ZNF385B: variants seen among roughly 807,000 people sequenced by gnomAD.
The protein encoded by ZNF385B is zinc finger protein 385B.
In ZNF385B, 23 loss-of-function variants were observed where a neutral mutation model predicts 39.2. The ratio of observed to expected loss-of-function variants is 0.59; its 90% CI spans 0.42 to 0.83. The LOEUF is 0.83. Among genes scored for constraint, ZNF385B ranks in the 40% least tolerant of loss-of-function variants. The pLI is 0.00. For missense variants in ZNF385B, 552 were observed against 598.9 expected (o/e 0.92, Z 0.82); for synonymous variants, 205 against 222.6 (o/e 0.92, Z 0.70).
chr2:179,483,489 G>T, intron 5 of ZNF385B, 55 bp from the exon 6 acceptor site: 1 of 1,604,096 alleles, frequency 6.2e-7, no homozygotes, highest in East Asian at 2.2e-5. Context: ...ACACCACAGT[G>T]GATGATCATG....
chr2:179,483,386 T>A lies in ZNF385B; in HGVS notation c.601A>T (p.Lys201Ter), dbSNP rs1458585133. 6.2e-7 allele frequency: 1 copy of A among 1,613,970 alleles called. No individual in the cohort carries two copies. Among genetic ancestry groups the A allele is most frequent in the Non-Finnish European group, 8.5e-7 (1 of 1,179,944 alleles). Residue 201 changes from lysine (K) to a stop codon, truncating the protein, a stop_gained, in exon 6 of 10, where the codon AAA becomes TAA. Coordinates refer to ENST00000410066, the MANE Select transcript of ZNF385B (RefSeq NM_152520.6). LOFTEE classifies it high-confidence loss of function. ...TTATTTTTCGTTGCGTCTAGTGCTT[T>A]GACCTTCTTGGCATGTTTACTTCCT... ...YKGSKHAKKV[K>*]ALDATKNKPK...
chr2:179,540,811 C>A (rs2059875568), intron 4 of ZNF385B, among the ~76,000 whole-genome samples: 2 of 152,088 alleles, frequency 1.3e-5, no homozygotes, highest in Admixed American at 6.6e-5. Context: ...TAATCTGGGG[C>A]TACTTTGGAA....
intron 1 of ZNF385B, among the ~76,000 whole-genome samples, chr2:179,797,316 C>G (rs1332238216): frequency 1.8e-4 from 28 of 152,022 alleles, no homozygotes; most frequent in Non-Finnish European, 3.1e-4. Context: ...TGAAGCAAAC[C>G]AAGAATGATA....
intron 4 of ZNF385B, among the ~76,000 whole-genome samples, chr2:179,531,535 C>T (rs2059252526): frequency 6.6e-6 from 1 of 152,032 alleles, no homozygotes; most frequent in African/African-American, 2.4e-5. Flanking sequence ...ACTGGGGAGG[C>T]TGAGGCAGGA....
intron 3 of ZNF385B, among the ~76,000 whole-genome samples, chr2:179,568,401 T>A (rs1287443805): frequency 2.6e-5 from 4 of 152,236 alleles, no homozygotes; most frequent in Admixed American, 2.6e-4. Flanking sequence ...AAAAACTATA[T>A]TCCCAGTTTC....
chr2:179,445,644 A>C lies in ZNF385B; in HGVS notation c.1046T>G (p.Met349Arg). The C allele has an allele frequency of 6.2e-7, 1 of 1,614,122 alleles. No homozygotes were observed. The highest frequency in any genetic ancestry group is 1.1e-5 in the South Asian group (1 of 91,082). ...TCCTGACCCCTTACTGCCATTCTGC[A>C]TCTTTAATCTTGATCCAGGTCTAGG... ...SYPRPGSRLKMQNGSKGSGLQ... is the reference protein window; with the variant it reads ...SYPRPGSRLKRQNGSKGSGLQ... Residue 349 changes from methionine (M) to arginine (R), a missense_variant, in exon 8 of 10, where the codon ATG becomes AGG. Physicochemically the swap from Met to Arg is moderately conservative, Grantham distance 91. Transcript: ENST00000410066.
rs1271820524 is a variant in ZNF385B, at chr2:179,769,792, G to A, written c.9C>T (p.Tyr3=). MR[Y]SLSPDNHLED... is the part of the protein sequence containing the mutation. ...CAAGATGGTTGTCAGGGCTTAAGGAGTACCTCATGCCTGAAAAACAAAACA... is the reference window on the plus strand; with the variant it reads ...CAAGATGGTTGTCAGGGCTTAAGGAATACCTCATGCCTGAAAAACAAAACA... Residue 3 remains tyrosine (Y), a synonymous_variant, in exon 3 of 10, where the codon TAC becomes TAT. Transcript: ENST00000410066. 1 of 1,608,540 alleles carries A rather than the reference G, an allele frequency of 6.2e-7. No individual in the cohort carries two copies. Among genetic ancestry groups the A allele is most frequent in the East Asian group, 2.2e-5 (1 of 44,822 alleles).
chr2:179,443,395 G>A lies in ZNF385B; in HGVS notation c.1316C>T (p.Ala439Val), dbSNP rs1325673372. Reference sequence around the variant, plus strand: ...TGACAGCGCTGAGGACACGGCTGCCGCCGCTGCGAGAGGTGAGGACAGGAA... The same window carrying A: ...TGACAGCGCTGAGGACACGGCTGCCACCGCTGCGAGAGGTGAGGACAGGAA... Reference protein sequence around the residue: ...PAFLSSPLAAAAAVSSALSLP... With the variant: ...PAFLSSPLAAVAAVSSALSLP... Residue 439 changes from alanine to valine, a missense_variant, in exon 10 of 10, where the codon GCG becomes GTG. By Grantham distance (64) the Ala-to-Val change is moderately conservative. Coordinates refer to ENST00000410066, the MANE Select transcript of ZNF385B (RefSeq NM_152520.6). 1.5e-5 allele frequency: 24 copies of A among 1,611,420 alleles called. No homozygotes were observed. Among genetic ancestry groups the A allele is most frequent in the East Asian group, 2.2e-5 (1 of 44,862 alleles).
At chr2:179,670,330 C>T (rs1165970262) in intron 3 of ZNF385B, among the ~76,000 whole-genome samples, 1 of 149,698 alleles carries the variant, frequency 6.7e-6, no homozygotes, top group Non-Finnish European at 1.5e-5. Context: ...CTAATACTTT[C>T]ACCATTGCCA....
chr2:179,793,877 G>A (rs1705493782), intron 1 of ZNF385B, among the ~76,000 whole-genome samples: 1 of 152,238 alleles, frequency 6.6e-6, no homozygotes, highest in South Asian at 2.1e-4. Flanking sequence ...GTAATGCTTT[G>A]CACATGCAAT....
chr2:179,803,104 G>A (rs1706133559), intron 1 of ZNF385B, among the ~76,000 whole-genome samples: 1 of 152,092 alleles, frequency 6.6e-6, no homozygotes, highest in Non-Finnish European at 1.5e-5. Flanking sequence ...AGAAACTGAG[G>A]CCAGAGAGCT....
intron 3 of ZNF385B, among the ~76,000 whole-genome samples, chr2:179,693,191 ACC>A (rs1698480462): frequency 6.6e-6 from 1 of 152,222 alleles, no homozygotes; most frequent in African/African-American, 2.4e-5. Flanking sequence ...ATGGCTCCTA[ACC>A]TTGTTTCTAC....
chr2:179,445,820 A>G, intron 7 of ZNF385B, 92 bp from the exon 8 acceptor site: 1 of 1,207,798 alleles, frequency 8.3e-7, no homozygotes, highest in Non-Finnish European at 1.1e-6. Flanking sequence ...CCTGCAGGCT[A>G]AAATTCCCAA....
At chr2:179,769,364 T>C (rs993678173) in intron 3 of ZNF385B, 139 bp downstream of exon 3, 24 of 1,332,976 alleles carry the variant, frequency 1.8e-5, no homozygotes, top group Non-Finnish European at 2.4e-5. Context: ...TCATGTATTT[T>C]ACCTGTAGGA....
chr2:179,555,124 T>C (rs954135354), intron 3 of ZNF385B, among the ~76,000 whole-genome samples: 2 of 149,710 alleles, frequency 1.3e-5, no homozygotes, highest in African/African-American at 2.5e-5. Flanking sequence ...GTTTGCATGA[T>C]GAAACATTCA....
chr2:179,575,956 C>T lies in ZNF385B; in HGVS notation c.299-30987G>A, dbSNP rs10208908. 8.8e-3 allele frequency among the ~76,000 whole-genome samples: 1,345 copies of T among 152,274 alleles called. 25 individuals carry two copies. Among genetic ancestry groups the T allele is most frequent in the African/African-American group, 0.031 (1,287 of 41,560 alleles). The stretch of plus-strand genomic sequence containing the variant: ...CATTTTAAAAGTAAAAGTTGGAATA[C>T]ATTTAAATGATAATATGTTGCATAA... On this transcript the variant is annotated intron_variant, in intron 3 of 9. Transcript: ENST00000410066.
intron 1 of ZNF385B, among the ~76,000 whole-genome samples, chr2:179,778,182 C>T (rs1704453916): frequency 6.6e-6 from 1 of 152,168 alleles, no homozygotes; most frequent in Non-Finnish European, 1.5e-5. Context: ...GCTCCATAGT[C>T]TTCTTTATAT....
At chr2:179,700,818 C>T (rs1699135479) in intron 3 of ZNF385B, among the ~76,000 whole-genome samples, 1 of 152,168 alleles carries the variant, frequency 6.6e-6, no homozygotes, top group Non-Finnish European at 1.5e-5. Context: ...TTGAGACCAT[C>T]CTGGTTAACA....
In ZNF385B at chr2:179,622,877, C is replaced by T. The variant is rs548883660; in HGVS notation, c.299-77908G>A. 2.0e-5 allele frequency among the ~76,000 whole-genome samples: 3 copies of T among 152,280 alleles called. No homozygotes were observed. In the East Asian group the frequency reaches 5.8e-4, roughly 29 times the overall value. ...AGCAAAGGGAGGGACATGCCTACAA[C>T]ACTGGCACCTGTGAGGGCCAGTTCA... On this transcript the variant is annotated intron_variant, in intron 3 of 9. Coordinates refer to ENST00000410066, the MANE Select transcript of ZNF385B (RefSeq NM_152520.6).
Sources: gnomAD v4.1 joint callset for allele counts (sites outside exome capture counted in the v4.1 genomes callset) on GRCh38, gnomAD v4.1.1 for gene constraint, MANE v1.5 for transcripts, NCBI Gene and HGNC (gene_info 2026-07-23, HGNC 2026-07-21) for gene names.